The following MED13 variants were observed in gnomAD, a reference collection of about 807,000 sequenced individuals.
MED13 encodes the protein mediator complex subunit 13, also known as mediator of RNA polymerase II transcription subunit 13.
Under a neutral mutation model 225.2 loss-of-function variants are expected in MED13, and 23 were observed. The observed-to-expected ratio is 0.10, with a 90% CI of 0.07 to 0.14. The LOEUF is 0.14. MED13 is among the 10% of genes least tolerant of loss of function. The pLI is 1.00. For missense variants in MED13, 2,197 were observed against 2,594.5 expected (o/e 0.85, Z 3.33); for synonymous variants, 942 against 889.2 (o/e 1.06, Z -1.06).
chr17:62,003,599 C>CAAAAAAAAAAAAAAAAAAAAAAACA (rs34451831), intron 9 of MED13: 3 of 51,736 alleles, frequency 5.8e-5, no homozygotes, highest in African/African-American at 8.0e-5. Flanking sequence ...CAGCAAAACT[C>CAAAAAAAAAAAAAAAAAAAAAAACA]AAAAAAAAAA....
rs191632320 is a variant in MED13, at chr17:62,009,663, T to C, written c.1967+887A>G. On this transcript the variant is annotated intron_variant, in intron 9 of 29. Transcript: ENST00000397786. ...TATATACCAGTTGCTGAACTGCAAC[T>C]GGGCAACAACCCTTAATGTTGAAAA... Among the ~76,000 whole-genome samples, 20 of 152,342 alleles carry C rather than the reference T, an allele frequency of 1.3e-4. No individual in the cohort carries two copies. The East Asian group carries it at 3.9e-3, about 29-fold the overall frequency.
At position 61,982,110 on chromosome 17, in the gene MED13, C is replaced by G. The variant is rs547837135; in HGVS notation, c.3805+88G>C. ...AGTCCAACTTTAAATGTATTTGCCA[C>G]ATGGGAAACTGCCTTTATTACTTTT... On this transcript the variant is annotated intron_variant, in intron 16 of 29. Coordinates refer to ENST00000397786, the MANE Select transcript of MED13 (RefSeq NM_005121.3). 3.4e-5 allele frequency: 43 copies of G among 1,278,884 alleles called. 1 individual carries two copies. In the East Asian group the frequency reaches 6.1e-4, roughly 18 times the overall value. The allele number at this position is 1,278,884 out of a possible 1,614,324, so 79.2% of individuals were successfully genotyped here.
At chr17:61,947,409 A>AAT (rs2079859850) in intron 28 of MED13, among the ~76,000 whole-genome samples, 1 of 152,122 alleles carries the variant, frequency 6.6e-6, no homozygotes, top group Admixed American at 6.5e-5. Context: ...GAGACCATAC[A>AAT]ATAATCCTTA....
At chr17:61,979,574 C>A (rs2080185810) in intron 16 of MED13, among the ~76,000 whole-genome samples, 1 of 152,098 alleles carries the variant, frequency 6.6e-6, no homozygotes. Flanking sequence ...CTCCCAAATG[C>A]TGGGATTACA....
Position 62,031,494 on chromosome 17 carries a change from A to T in MED13, c.959T>A (p.Met320Lys). ...AGGTGGTGTAAGCGTAACCGAAGAC[A>T]TAGCAGGATCTCTTGTGGAAGCAGG... ...QVPASTRDPA[M>K]SSVTLTPPTS... The change falls in exon 6 of 30, where the codon ATG becomes AAG. Residue 320 changes from methionine (M) to lysine (K), a missense_variant. By Grantham distance (95) the Met-to-Lys change is moderately conservative. Coordinates refer to ENST00000397786, the MANE Select transcript of MED13 (RefSeq NM_005121.3). The T allele has an allele frequency of 6.2e-7, 1 of 1,613,876 alleles. No homozygotes were observed. The highest frequency in any genetic ancestry group is 8.5e-7 in the Non-Finnish European group (1 of 1,179,864).
intron 16 of MED13, among the ~76,000 whole-genome samples, chr17:61,977,475 G>A (rs144755597): frequency 1.8e-3 from 275 of 152,182 alleles, no homozygotes; most frequent in African/African-American, 6.1e-3. Context: ...TTCTTGAGAC[G>A]GAGTCTCTCT....
intron 3 of MED13, among the ~76,000 whole-genome samples, chr17:62,047,033 CTT>C (rs34660935): frequency 5.6e-4 from 79 of 141,656 alleles, no homozygotes; most frequent in South Asian, 9.1e-4. Context: ...CTGTGCCCAG[CTT>C]TTTTTTTTTT....
At chr17:62,062,967 T>C (rs2081053172) in intron 2 of MED13, 100 bp downstream of exon 2, 1 of 808,784 alleles carries the variant, frequency 1.2e-6, no homozygotes, top group Non-Finnish European at 1.9e-6. Flanking sequence ...GCCTCCTAAG[T>C]CTCCCACAAA....
chr17:61,958,865 T>A (rs753548826), intron 23 of MED13, among the ~76,000 whole-genome samples: 2 of 152,212 alleles, frequency 1.3e-5, no homozygotes, highest in Admixed American at 6.5e-5. Context: ...CTAACAACTC[T>A]ATGAGACAAA....
intron 21 of MED13, among the ~76,000 whole-genome samples, chr17:61,962,473 A>C (rs2080009592): frequency 6.6e-6 from 1 of 152,158 alleles, no homozygotes; most frequent in South Asian, 2.1e-4. Context: ...TTTTCTATTT[A>C]GGCTCATGAA....
At chr17:62,004,537 T>G (rs1160342421) in intron 9 of MED13, 2 of 152,152 alleles carry the variant, frequency 1.3e-5, no homozygotes, top group Non-Finnish European at 2.9e-5. Flanking sequence ...GAGCTTGGCT[T>G]TTTGAATAAT....
chr17:62,031,131 C>A (rs1369187939), intron 6 of MED13: 4 of 184,584 alleles, frequency 2.2e-5, no homozygotes, highest in Non-Finnish European at 3.3e-5. Flanking sequence ...CTAAGAGGAT[C>A]GAGTAATAGT....
Position 62,015,825 on chromosome 17 carries a change from C to CACTA in MED13, c.1284-4593_1284-4592insTAGT, listed in dbSNP as rs200942937. 5.4e-3 allele frequency among the ~76,000 whole-genome samples: 484 copies of CACTA among 89,276 alleles called. 8 individuals carry two copies. Among genetic ancestry groups the CACTA allele is most frequent in the African/African-American group, 0.017 (457 of 27,462 alleles). 58.6% of individuals were successfully genotyped at this position (89,276 alleles called of 152,430 possible). Reference sequence around the variant, plus strand: ...ATATATCTATATATATACATACACACTATATATATACACACACACTATATA... The same window carrying CACTA: ...ATATATCTATATATATACATACACACACTATATATATATACACACACACTATATA... On this transcript the variant is annotated intron_variant, in intron 8 of 29. Transcript: ENST00000397786.
chr17:62,010,833 G>C lies in MED13; in HGVS notation c.1684C>G (p.Gln562Glu), dbSNP rs2080500827. ...ACCAAGGGATCTGGTGTTGGCATTT[G>C]ATAAAAATGTTGACTCTGAGGAGTT... ...PSTPQSQHFY[Q>E]MPTPDPLVPS... is the part of the protein sequence containing the mutation. Residue 562 changes from glutamine to glutamate, a missense_variant, in exon 9 of 30, where the codon CAA becomes GAA. By Grantham distance (29) the Gln-to-Glu change is conservative. Transcript: ENST00000397786. 6.2e-7 allele frequency: 1 copy of C among 1,614,214 alleles called. No homozygotes were observed. Among genetic ancestry groups the C allele is most frequent in the Non-Finnish European group, 8.5e-7 (1 of 1,180,042 alleles).
At chr17:61,991,809 A>T (rs1416511446) in intron 11 of MED13, among the ~76,000 whole-genome samples, 1 of 151,044 alleles carries the variant, frequency 6.6e-6, no homozygotes, top group Non-Finnish European at 1.5e-5. Context: ...TGCCCGGCCT[A>T]ATTTTTGTAT....
intron 10 of MED13, 66 bp from the exon 11 acceptor site, chr17:61,992,687 T>C (rs1345923406): frequency 2.6e-6 from 3 of 1,141,282 alleles, no homozygotes; most frequent in Non-Finnish European, 3.9e-6. Context: ...CTACCAATTA[T>C]TGAGGAGCTG....
chr17:61,984,505 C>T, intron 14 of MED13, 138 bp from the exon 15 acceptor site: 1 of 924,008 alleles, frequency 1.1e-6, no homozygotes, highest in South Asian at 2.0e-5. Flanking sequence ...TTCTTAAATG[C>T]ATTCTTAATA....
intron 8 of MED13, among the ~76,000 whole-genome samples, chr17:62,024,100 C>T (rs536339177): frequency 6.6e-6 from 1 of 152,192 alleles, no homozygotes; most frequent in African/African-American, 2.4e-5. Flanking sequence ...TCACTGCAAC[C>T]TCTGCCTTCC....
intron 26 of MED13, 197 bp downstream of exon 26, chr17:61,955,185 A>T: frequency 2.5e-6 from 1 of 396,992 alleles, no homozygotes; most frequent in Non-Finnish European, 4.4e-6. Context: ...CCTCCTTCTT[A>T]TAAGAACACA....
Sources: allele counts gnomAD v4.1 joint callset (sites outside exome capture counted in the v4.1 genomes callset), GRCh38; gene constraint gnomAD v4.1.1; transcripts MANE v1.5; gene names NCBI Gene and HGNC (gene_info 2026-07-23, HGNC 2026-07-21).